The following ETS1 variants were observed in gnomAD, a reference collection of about 807,000 sequenced individuals.
ETS1 encodes the protein protein C-ets-1.
ETS1 carries 15 observed loss-of-function variants against 58.6 expected under a neutral mutation model. The observed-to-expected ratio is 0.26, with a 90% CI of 0.17 to 0.39. The LOEUF (loss-of-function observed/expected upper bound fraction) is 0.39, where lower values mean the gene tolerates loss of function less well. Among genes scored for constraint, ETS1 ranks in the 10% least tolerant of loss-of-function variants. The probability of loss-of-function intolerance (pLI) is 1.00; values close to 1 mark genes in which losing one functional copy is unlikely to be tolerated. For synonymous variants in ETS1, 214 were observed against 218.2 expected, an observed-to-expected ratio of 0.98 and a Z score of 0.17; for missense variants, 417 against 610.5, an observed-to-expected ratio of 0.68 and a Z score of 3.34.
Position 128,539,917 on chromosome 11 carries a change from T to C in ETS1, c.214+16374A>G, listed in dbSNP as rs745554148. ...GAGAATTCCAGAATAGGCAAATTTA[T>C]AAAGATAGAAATTAGACCAGTAGCT... On this transcript the variant is annotated intron_variant, in intron 3 of 9. Coordinates refer to ENST00000392668, the MANE Select transcript of ETS1 (RefSeq NM_001143820.2). 1.6e-4 allele frequency among the ~76,000 whole-genome samples: 24 copies of C among 152,276 alleles called. No homozygotes were observed. The South Asian group carries it at 1.7e-3, about 11-fold the overall frequency.
At chr11:128,554,799 G>A (rs1478721720) in intron 3 of ETS1, among the ~76,000 whole-genome samples, 1 of 151,764 alleles carries the variant, frequency 6.6e-6, no homozygotes, top group East Asian at 1.9e-4. Context: ...GGCATTAATA[G>A]GATTCAAGAA....
At chr11:128,584,506 A>G (rs1367131838) in intron 1 of ETS1, among the ~76,000 whole-genome samples, 1 of 152,194 alleles carries the variant, frequency 6.6e-6, no homozygotes, top group Non-Finnish European at 1.5e-5. Flanking sequence ...TTGTAGATTA[A>G]ATGAAGCAGT....
rs1864845380 is a variant in ETS1, at chr11:128,580,556, TG to T, written c.-15+6931del. On this transcript the variant is annotated intron_variant, in intron 1 of 9. Coordinates refer to ENST00000392668, the MANE Select transcript of ETS1 (RefSeq NM_001143820.2). ...GAAAAAGGATTAGAAGAACTGAAGA[TG>T]GTTTTTCTGTCTCACTACTAAATCT... is the stretch of plus-strand genomic sequence containing the variant. Among the ~76,000 whole-genome samples, 3 of 152,342 alleles carry T rather than the reference TG, an allele frequency of 2.0e-5. No homozygotes were observed. The South Asian group carries it at 6.2e-4, about 32-fold the overall frequency.
chr11:128,487,533 G>A (rs1018435927), intron 5 of ETS1, among the ~76,000 whole-genome samples: 11 of 152,092 alleles, frequency 7.2e-5, no homozygotes, highest in African/African-American at 2.4e-4. Context: ...GAGGTCAAGG[G>A]ATCAAGACCA....
At chr11:128,553,431 CT>C (rs1347925455) in intron 3 of ETS1, among the ~76,000 whole-genome samples, 17 of 152,058 alleles carry the variant, frequency 1.1e-4, no homozygotes, top group Admixed American at 1.1e-3. Context: ...GGGCTCCCCA[CT>C]TTTTTTCCCT....
At chr11:128,509,247 A>G (rs1298516922) in intron 3 of ETS1, among the ~76,000 whole-genome samples, 5 of 152,356 alleles carry the variant, frequency 3.3e-5, no homozygotes, top group East Asian at 3.9e-4. Flanking sequence ...AAAATCTCCA[A>G]TTGAATCAGA....
intron 7 of ETS1, among the ~76,000 whole-genome samples, chr11:128,480,711 T>A (rs557519192): frequency 6.6e-6 from 1 of 152,224 alleles, no homozygotes; most frequent in South Asian, 2.1e-4. Flanking sequence ...AGATTCAGAG[T>A]CAAACGTTGC....
intron 3 of ETS1, among the ~76,000 whole-genome samples, chr11:128,497,806 G>A (rs897731509): frequency 9.9e-5 from 15 of 152,094 alleles, no homozygotes; most frequent in African/African-American, 2.9e-4. Flanking sequence ...CAAATGTTTC[G>A]AAGTCAGAGC....
At chr11:128,488,855 A>G (rs1862712854) in intron 5 of ETS1, among the ~76,000 whole-genome samples, 1 of 152,196 alleles carries the variant, frequency 6.6e-6, no homozygotes, top group Admixed American at 6.5e-5. Context: ...ACGGTCTCAG[A>G]CGCTAAGCTT....
chr11:128,478,579 A>G (rs1380331522), intron 8 of ETS1, among the ~76,000 whole-genome samples: 1 of 152,180 alleles, frequency 6.6e-6, no homozygotes, highest in African/African-American at 2.4e-5. Flanking sequence ...AACAGAAGCA[A>G]GCACTGCCAA....
intron 3 of ETS1, among the ~76,000 whole-genome samples, chr11:128,499,747 A>G (rs1327953166): frequency 6.6e-6 from 1 of 152,168 alleles, no homozygotes; most frequent in Non-Finnish European, 1.5e-5. Context: ...TCCTACCCAG[A>G]ACTGGCCTGG....
chr11:128,531,651 G>C (rs1863899594), intron 3 of ETS1, among the ~76,000 whole-genome samples: 1 of 152,168 alleles, frequency 6.6e-6, no homozygotes, highest in East Asian at 1.9e-4. Flanking sequence ...AATTATGAAA[G>C]TTCTAATCAT....
At chr11:128,490,882 C>A (rs1207773817) in intron 3 of ETS1, among the ~76,000 whole-genome samples, 2 of 151,910 alleles carry the variant, frequency 1.3e-5, no homozygotes, top group Admixed American at 6.6e-5. Flanking sequence ...CCATGCCCAG[C>A]TAGTTTTTTT....
At chr11:128,502,071 G>A (rs1336742007) in intron 3 of ETS1, among the ~76,000 whole-genome samples, 6 of 152,082 alleles carry the variant, frequency 3.9e-5, no homozygotes, top group African/African-American at 1.4e-4. Context: ...AGAAACAATG[G>A]GCAGTTAGAG....
At chr11:128,512,011 G>A (rs1025725540) in intron 3 of ETS1, among the ~76,000 whole-genome samples, 1 of 152,156 alleles carries the variant, frequency 6.6e-6, no homozygotes, top group Non-Finnish European at 1.5e-5. Context: ...AGATGAACTA[G>A]CAAACAATAT....
chr11:128,556,404 G>C lies in ETS1; in HGVS notation c.101C>G (p.Pro34Arg). The change falls in exon 3 of 10, where the codon CCT (proline) becomes CGT (arginine). Residue 34 changes from proline (P) to arginine (R), a missense_variant. By Grantham distance (103) the Pro-to-Arg change is moderately radical. Transcript: ENST00000392668. Reference protein sequence around the residue: ...RQGPSNTYEDPRMNCGFQSNY... With the variant: ...RQGPSNTYEDRRMNCGFQSNY... ...GGACTGGAAACCACAGTTCATTCGA[G>C]GATCTTCATAAGTGTTGCTAGGTCC... The C allele has an allele frequency of 1.4e-5, 22 of 1,612,720 alleles. No homozygotes were observed. The highest frequency in any genetic ancestry group is 1.8e-5 in the Non-Finnish European group (21 of 1,179,156).
intron 3 of ETS1, among the ~76,000 whole-genome samples, chr11:128,503,841 C>A (rs10893882): frequency 6.6e-5 from 10 of 151,980 alleles, no homozygotes; most frequent in African/African-American, 1.4e-4. Flanking sequence ...AGAGAAGATG[C>A]AGAAATCCCC....
At chr11:128,544,340 A>ATATATATATAT (rs71472068) in intron 3 of ETS1, among the ~76,000 whole-genome samples, 3 of 117,088 alleles carry the variant, frequency 2.6e-5, no homozygotes, top group African/African-American at 3.2e-5. Flanking sequence ...ATTGTTTACT[A>ATATATATATAT]ATATATATAT....
chr11:128,485,456 G>A (rs55865881), intron 6 of ETS1, among the ~76,000 whole-genome samples: 21,508 of 151,906 alleles, frequency 0.14, 1,684 homozygotes, highest in Middle Eastern at 0.26. Context: ...AAGATAAAAC[G>A]AAAAAAATAA....
Sources: gnomAD v4.1 joint callset for allele counts (sites outside exome capture counted in the v4.1 genomes callset) on GRCh38, gnomAD v4.1.1 for gene constraint, MANE v1.5 for transcripts, NCBI Gene and HGNC (gene_info 2026-07-23, HGNC 2026-07-21) for gene names.